SUGCT: variants seen among roughly 807,000 people sequenced by gnomAD.
The protein encoded by SUGCT is succinyl-CoA:glutarate-CoA transferase, also known as succinyl-CoA:glutarate CoA-transferase.
In SUGCT, 41 loss-of-function variants were observed where a neutral mutation model predicts 55.0. The observed-to-expected ratio is 0.74, with a 90% CI of 0.58 to 0.97. The LOEUF is 0.97. SUGCT is among the 50% of genes least tolerant of loss of function. The pLI is 0.00. For missense variants in SUGCT, 568 were observed against 547.8 expected (o/e 1.04, Z -0.37); for synonymous variants, 187 against 200.4 (o/e 0.93, Z 0.56).
chr7:40,631,245 G>A lies in SUGCT; in HGVS notation c.1090-118189G>A, dbSNP rs143412432. ...CTGTTTTTTTTTCAGCATTATTTAC[G>A]TGTAACAAGAAACCATTTAGCTTTC... is the stretch of plus-strand genomic sequence containing the variant. On this transcript the variant is annotated intron_variant, in intron 12 of 13. Coordinates refer to ENST00000335693, the MANE Select transcript of SUGCT (RefSeq NM_001193313.2). 4.6e-5 allele frequency among the ~76,000 whole-genome samples: 7 copies of A among 152,064 alleles called. No homozygotes were observed. The East Asian group carries it at 5.8e-4, about 13-fold the overall frequency.
At chr7:40,460,356 C>T (rs892364883) in intron 11 of SUGCT, among the ~76,000 whole-genome samples, 3 of 152,146 alleles carry the variant, frequency 2.0e-5, no homozygotes, top group African/African-American at 7.2e-5. Flanking sequence ...TTTTCTGGTC[C>T]CTAGTTAAAT....
intron 9 of SUGCT, among the ~76,000 whole-genome samples, chr7:40,409,534 A>G (rs1200510618): frequency 6.6e-6 from 1 of 152,188 alleles, no homozygotes; most frequent in Non-Finnish European, 1.5e-5. Flanking sequence ...TGCTGGGATT[A>G]CAGGTATGAG....
chr7:40,168,275 C>A (rs1379026936), intron 1 of SUGCT, among the ~76,000 whole-genome samples: 1 of 152,138 alleles, frequency 6.6e-6, no homozygotes, highest in Admixed American at 6.5e-5. Flanking sequence ...GGCCAATGAC[C>A]ACTCTAACTG....
intron 6 of SUGCT, among the ~76,000 whole-genome samples, chr7:40,231,618 A>G (rs1245362345): frequency 2.0e-5 from 3 of 152,180 alleles, no homozygotes; most frequent in Non-Finnish European, 4.4e-5. Context: ...GGAGAACACT[A>G]AAAACAATAT....
chr7:40,901,178 C>G, the SUGCT span, among the ~76,000 whole-genome samples: 3 of 152,170 alleles, frequency 2.0e-5, no homozygotes, highest in Non-Finnish European at 2.9e-5. Flanking sequence ...CTCAGCAGAA[C>G]TTGGTTACAA....
the SUGCT span, among the ~76,000 whole-genome samples, chr7:40,917,729 G>T: frequency 6.6e-6 from 1 of 152,154 alleles, no homozygotes; most frequent in Non-Finnish European, 1.5e-5. Context: ...TTTGGCCTTT[G>T]GCGAGGGCCC....
At chr7:40,499,061 C>T (rs778980265) in intron 12 of SUGCT, 19 of 456,494 alleles carry the variant, frequency 4.2e-5, no homozygotes, top group Admixed American at 9.4e-5. Flanking sequence ...AGTTTCTTGG[C>T]GCTTGGTGCA....
At chr7:40,141,577 T>C (rs1240614826) in intron 1 of SUGCT, among the ~76,000 whole-genome samples, 1 of 148,430 alleles carries the variant, frequency 6.7e-6, no homozygotes, top group Non-Finnish European at 1.5e-5. Flanking sequence ...GAGGCTGCAG[T>C]GAGCTGAGAT....
At chr7:40,534,855 T>C (rs552595479) in intron 12 of SUGCT, among the ~76,000 whole-genome samples, 1 of 152,374 alleles carries the variant, frequency 6.6e-6, no homozygotes, top group African/African-American at 2.4e-5. Context: ...AAGTTTTGCC[T>C]ACTCTATTTG....
In SUGCT at chr7:40,546,238, C is replaced by T. The variant is rs540906504; in HGVS notation, c.1089+49852C>T. Among the ~76,000 whole-genome samples, 14 of 152,270 alleles carry T rather than the reference C, an allele frequency of 9.2e-5. No homozygotes were observed. In the South Asian group the frequency reaches 1.5e-3, roughly 16 times the overall value. Reference sequence around the variant, plus strand: ...CTGGAACCTCACTTTAACTCCTGTGCGCTGTCCTCAAATTACATCAAGTGC... The same window carrying T: ...CTGGAACCTCACTTTAACTCCTGTGTGCTGTCCTCAAATTACATCAAGTGC... On this transcript the variant is annotated intron_variant, in intron 12 of 13. Transcript: ENST00000335693.
At chr7:40,446,268 T>G (rs1384893323) in intron 9 of SUGCT, among the ~76,000 whole-genome samples, 2 of 152,170 alleles carry the variant, frequency 1.3e-5, no homozygotes, top group African/African-American at 4.8e-5. Context: ...GATCCAAAAT[T>G]TGGCAAGCCT....
intron 12 of SUGCT, among the ~76,000 whole-genome samples, chr7:40,642,472 T>C (rs907646474): frequency 6.6e-5 from 10 of 152,100 alleles, no homozygotes; most frequent in Non-Finnish European, 1.5e-5. Context: ...CAAGAACCAG[T>C]ATTAGCTGGA....
chr7:40,432,712 A>C (rs1787967754), intron 9 of SUGCT, among the ~76,000 whole-genome samples: 1 of 135,240 alleles, frequency 7.4e-6, no homozygotes, highest in Non-Finnish European at 1.6e-5. Flanking sequence ...AAAAAAAAAA[A>C]AATCAAAATT....
intron 13 of SUGCT, among the ~76,000 whole-genome samples, chr7:40,831,376 A>T (rs1792656144): frequency 1.3e-5 from 2 of 152,174 alleles, no homozygotes; most frequent in African/African-American, 4.8e-5. Flanking sequence ...TTCATGGGCC[A>T]CCCAGAAGTT....
chr7:40,965,711 G>A, the SUGCT span: 1 of 152,142 alleles, frequency 6.6e-6, no homozygotes. Flanking sequence ...TTCTACCTCT[G>A]AAAGACAAAA....
intron 13 of SUGCT, among the ~76,000 whole-genome samples, chr7:40,819,862 G>T (rs906029965): frequency 6.6e-6 from 1 of 152,134 alleles, no homozygotes; most frequent in Non-Finnish European, 1.5e-5. Flanking sequence ...GTATTGCCTA[G>T]GTTTTCTTCT....
At chr7:40,421,484 T>G (rs561793060) in intron 9 of SUGCT, among the ~76,000 whole-genome samples, 1 of 152,274 alleles carries the variant, frequency 6.6e-6, no homozygotes, top group South Asian at 2.1e-4. Flanking sequence ...GACTTCCAAT[T>G]TTCAAGGATG....
intron 5 of SUGCT, among the ~76,000 whole-genome samples, chr7:40,192,732 A>C (rs1785989375): frequency 6.6e-6 from 1 of 150,564 alleles, no homozygotes; most frequent in African/African-American, 2.4e-5. Context: ...TCTGGGTTCA[A>C]GCAATTCTCC....
At chr7:40,807,435 C>T (rs1377378430) in intron 13 of SUGCT, among the ~76,000 whole-genome samples, 4 of 152,128 alleles carry the variant, frequency 2.6e-5, no homozygotes, top group African/African-American at 7.2e-5. Context: ...TTCCACAGCC[C>T]GTAGAGTCTG....
Sources: gnomAD v4.1 joint callset for allele counts (sites outside exome capture counted in the v4.1 genomes callset) on GRCh38, gnomAD v4.1.1 for gene constraint, MANE v1.5 for transcripts, NCBI Gene and HGNC (gene_info 2026-07-23, HGNC 2026-07-21) for gene names.